SRPK2: variants seen among roughly 807,000 people sequenced by gnomAD.
SRPK2 encodes SRSF protein kinase 2.
A neutral mutation model predicts 90.8 loss-of-function variants in SRPK2; 21 were observed. The ratio of observed to expected loss-of-function variants is 0.23; its 90% CI spans 0.16 to 0.33. The LOEUF is 0.33. SRPK2 is among the 10% of genes least tolerant of loss of function. SRPK2 has a pLI of 1.00. For missense variants in SRPK2, 620 were observed against 869.0 expected (o/e 0.71, Z 3.60); for synonymous variants, 288 against 311.1 (o/e 0.93, Z 0.78).
intron 2 of SRPK2, among the ~76,000 whole-genome samples, chr7:105,287,448 A>G (rs1808312397): frequency 6.6e-6 from 1 of 151,738 alleles, no homozygotes; most frequent in Non-Finnish European, 1.5e-5. Context: ...TTAAATAACT[A>G]GGAAATGGCT....
intron 3 of SRPK2, among the ~76,000 whole-genome samples, chr7:105,176,749 A>ATGTG (rs10607750): frequency 4.2e-5 from 6 of 144,424 alleles, no homozygotes; most frequent in Middle Eastern, 3.5e-3. Flanking sequence ...ATGTGTGTAT[A>ATGTG]TGTGTGTGTG....
upstream of SRPK2, among the ~76,000 whole-genome samples, chr7:105,392,212 C>T (rs1409495131): frequency 6.6e-6 from 1 of 152,088 alleles, no homozygotes; most frequent in Non-Finnish European, 1.5e-5. Flanking sequence ...AAGGAGGGAG[C>T]AACTGCTTAA....
chr7:105,304,023 A>G (rs1390892811), intron 2 of SRPK2, among the ~76,000 whole-genome samples: 3 of 152,236 alleles, frequency 2.0e-5, no homozygotes, highest in African/African-American at 4.8e-5. Flanking sequence ...GAAATTTGCA[A>G]TGGTATACTT....
intron 13 of SRPK2, 115 bp from the exon 14 acceptor site, chr7:105,127,177 G>T: frequency 1.1e-6 from 1 of 921,234 alleles, no homozygotes; most frequent in Non-Finnish European, 1.7e-6. Context: ...AAACAAAATA[G>T]CCTCCTGAAA....
At chr7:105,275,077 G>A (rs1278997803) in intron 2 of SRPK2, among the ~76,000 whole-genome samples, 1 of 151,832 alleles carries the variant, frequency 6.6e-6, no homozygotes. Context: ...TAGTAGAGAC[G>A]GGGGTTTCAC....
At chr7:105,357,989 C>A (rs547337723) in intron 2 of SRPK2, among the ~76,000 whole-genome samples, 34 of 152,024 alleles carry the variant, frequency 2.2e-4, no homozygotes, top group Admixed American at 3.9e-4. Context: ...CTTTGGGAGG[C>A]TGAGGTGGGT....
chr7:105,140,285 T>C (rs888992649), intron 11 of SRPK2, among the ~76,000 whole-genome samples: 3 of 152,068 alleles, frequency 2.0e-5, no homozygotes, highest in Admixed American at 2.0e-4. Context: ...AAGCTAATAC[T>C]TGCAAAATAA....
chr7:105,173,054 C>A (rs1791356533), intron 3 of SRPK2, among the ~76,000 whole-genome samples: 1 of 152,030 alleles, frequency 6.6e-6, no homozygotes, highest in African/African-American at 2.4e-5. Context: ...GTAAAGTATC[C>A]CTGAAGCCCT....
rs184636394 is a variant in SRPK2 at position 105,319,458 on chromosome 7, T to A, written c.71+69190A>T. On this transcript the variant is annotated intron_variant, in intron 2 of 15. Transcript: ENST00000393651. ...AAACATACTGGTGATTAACAATTTTTAGTTTTTATTTTCAACATCCACTCT... is the reference window on the plus strand; with the variant it reads ...AAACATACTGGTGATTAACAATTTTAAGTTTTTATTTTCAACATCCACTCT... Among the ~76,000 whole-genome samples, 961 of 146,122 alleles carry A rather than the reference T, an allele frequency of 6.6e-3. 10 individuals carry two copies. Among genetic ancestry groups the A allele is most frequent in the Non-Finnish European group, 0.012 (820 of 66,890 alleles).
chr7:105,127,144 G>A (rs1302603504), intron 13 of SRPK2, 82 bp from the exon 14 acceptor site: 13 of 1,319,058 alleles, frequency 9.9e-6, no homozygotes, highest in South Asian at 2.5e-5. Context: ...AGAAGAGACC[G>A]CCACTTTATG....
At chr7:105,187,179 C>G (rs563701530) in intron 3 of SRPK2, among the ~76,000 whole-genome samples, 72 of 152,344 alleles carry the variant, frequency 4.7e-4, no homozygotes, top group African/African-American at 1.6e-3. Flanking sequence ...CTCACCACAA[C>G]AGCTATGCAA....
In SRPK2 at chr7:105,205,832, TTGTC is replaced by T. The variant is rs1452444077; in HGVS notation, c.72-2051_72-2048del. 2.1e-5 allele frequency: 10 copies of T among 476,268 alleles called. No homozygotes were observed. The East Asian group carries it at 5.6e-4, about 27-fold the overall frequency. The allele number at this position is 476,268 out of a possible 1,614,324, so 29.5% of individuals were successfully genotyped here. A position where few individuals can be genotyped will look rare whatever the true frequency, so the allele number is the denominator to read the frequency against. On this transcript the variant is annotated intron_variant, in intron 2 of 15. Transcript: ENST00000393651. ...CTTCAGGGGTGTGGGCAGAATCAATTTGTCTGACACATTTCCTCAATGAGAAATA... is the reference window on the plus strand; with the variant it reads ...CTTCAGGGGTGTGGGCAGAATCAATTTGACACATTTCCTCAATGAGAAATA...
At chr7:105,204,650 G>T in intron 2 of SRPK2, 2 of 935,750 alleles carry the variant, frequency 2.1e-6, no homozygotes, top group South Asian at 1.4e-5. Context: ...CCCGACATGT[G>T]AGTGCCATTC....
intron 2 of SRPK2, among the ~76,000 whole-genome samples, chr7:105,288,839 C>T (rs1808541053): frequency 1.3e-5 from 2 of 152,026 alleles, no homozygotes; most frequent in Admixed American, 1.3e-4. Flanking sequence ...GAAACTGGAG[C>T]CAAATGTCTA....
intron 2 of SRPK2, chr7:105,268,750 T>C (rs1805434443): frequency 3.3e-6 from 5 of 1,537,160 alleles, no homozygotes; most frequent in Non-Finnish European, 4.4e-6. Flanking sequence ...TATGTCCTGG[T>C]TTGTTTCTTA....
At chr7:105,294,542 GTTTTT>G (rs1554499802) in intron 2 of SRPK2, among the ~76,000 whole-genome samples, 2 of 106,926 alleles carry the variant, frequency 1.9e-5, no homozygotes, top group East Asian at 2.7e-4. Context: ...GTTTTGTTTT[GTTTTT>G]TTGAAATGGA....
intron 2 of SRPK2, among the ~76,000 whole-genome samples, chr7:105,285,394 A>G (rs868625233): frequency 1.9e-3 from 278 of 149,586 alleles, no homozygotes; most frequent in African/African-American, 6.5e-3. Context: ...CCAAAAAAAA[A>G]AAAAAAAAAA....
intron 2 of SRPK2, among the ~76,000 whole-genome samples, chr7:105,292,772 G>T (rs796310682): frequency 6.6e-6 from 1 of 152,136 alleles, no homozygotes; most frequent in African/African-American, 2.4e-5. Flanking sequence ...ACTATAAATG[G>T]TAGTTTCCCA....
intron 3 of SRPK2, among the ~76,000 whole-genome samples, chr7:105,170,967 G>GAAAGAAAGAGAAAGAA (rs66735717): frequency 1.2e-4 from 9 of 74,456 alleles, no homozygotes; most frequent in South Asian, 6.1e-4. Context: ...AAGAAAGAAA[G>GAAAGAAAGAGAAAGAA]AGAAAGAAAG....
Sources: allele counts gnomAD v4.1 joint callset (sites outside exome capture counted in the v4.1 genomes callset), GRCh38; gene constraint gnomAD v4.1.1; transcripts MANE v1.5; gene names NCBI Gene and HGNC (gene_info 2026-07-23, HGNC 2026-07-21).